THRB: variants seen among roughly 807,000 people sequenced by gnomAD.
The protein encoded by THRB is thyroid hormone receptor beta.
THRB carries 12 observed loss-of-function variants against 47.8 expected under a neutral mutation model. That is an observed-to-expected ratio of 0.25 (90% CI 0.16 to 0.41). THRB has a LOEUF of 0.41. Among genes scored for constraint, THRB ranks in the 10% least tolerant of loss-of-function variants. THRB has a pLI of 1.00. For missense variants in THRB, 348 were observed against 589.2 expected (o/e 0.59, Z 4.24); for synonymous variants, 218 against 212.2 (o/e 1.03, Z -0.24).
upstream of THRB, chr3:24,495,332 C>G: frequency 6.5e-6 from 1 of 153,912 alleles, no homozygotes; most frequent in Non-Finnish European, 1.5e-5. Flanking sequence ...GCCACCGCCC[C>G]GGGCTGCCCA....
At chr3:24,159,707 A>G (rs1477825000) in intron 5 of THRB, among the ~76,000 whole-genome samples, 2 of 151,192 alleles carry the variant, frequency 1.3e-5, no homozygotes, top group Non-Finnish European at 2.9e-5. Context: ...GTCTGGAGAC[A>G]TTTTTGGTTG....
At chr3:24,278,878 C>T (rs544419906) in intron 3 of THRB, among the ~76,000 whole-genome samples, 1 of 152,286 alleles carries the variant, frequency 6.6e-6, no homozygotes, top group African/African-American at 2.4e-5. Flanking sequence ...CAGGGTCTCA[C>T]TCTGGGTCCA....
chr3:24,186,159 A>T (rs1017692544), intron 5 of THRB, among the ~76,000 whole-genome samples: 2 of 152,138 alleles, frequency 1.3e-5, no homozygotes, highest in Non-Finnish European at 2.9e-5. Context: ...ATACCCAGGT[A>T]TTAAGAATCT....
intron 2 of THRB, among the ~76,000 whole-genome samples, chr3:24,300,293 A>G (rs1559871599): frequency 6.6e-6 from 1 of 152,176 alleles, no homozygotes; most frequent in Non-Finnish European, 1.5e-5. Context: ...TTAAACCCTC[A>G]AACATGGATT....
intron 1 of THRB, among the ~76,000 whole-genome samples, chr3:24,489,337 A>G (rs1697795804): frequency 6.6e-6 from 1 of 152,218 alleles, no homozygotes; most frequent in African/African-American, 2.4e-5. Flanking sequence ...AGATTATCAC[A>G]GATTATCTTC....
intron 1 of THRB, among the ~76,000 whole-genome samples, chr3:24,479,094 C>G (rs574031805): frequency 6.6e-5 from 10 of 152,088 alleles, no homozygotes; most frequent in Admixed American, 1.3e-4. Context: ...GTCAGGAGAT[C>G]GAGACCATCC....
chr3:24,444,555 T>C (rs1033235478), intron 1 of THRB, among the ~76,000 whole-genome samples: 14 of 152,242 alleles, frequency 9.2e-5, no homozygotes, highest in African/African-American at 3.1e-4. Context: ...ATGCAAACTT[T>C]TCCAAAATAA....
At chr3:24,380,609 A>G (rs1268866244) in intron 1 of THRB, among the ~76,000 whole-genome samples, 2 of 152,172 alleles carry the variant, frequency 1.3e-5, no homozygotes, top group Non-Finnish European at 2.9e-5. Context: ...ATATCATTCT[A>G]TTCTTTACTT....
At chr3:24,426,608 G>T (rs151131001) in intron 1 of THRB, among the ~76,000 whole-genome samples, 3 of 151,858 alleles carry the variant, frequency 2.0e-5, no homozygotes, top group Non-Finnish European at 4.4e-5. Flanking sequence ...GGTTTATGTC[G>T]TTTCCTCTCA....
intron 2 of THRB, among the ~76,000 whole-genome samples, chr3:24,319,577 G>C (rs2058343879): frequency 6.6e-6 from 1 of 152,202 alleles, no homozygotes; most frequent in South Asian, 2.1e-4. Context: ...GGCAGGCAGT[G>C]ACAGAGAGGG....
intron 4 of THRB, among the ~76,000 whole-genome samples, chr3:24,228,025 C>T (rs1398489472): frequency 2.6e-5 from 4 of 152,098 alleles, no homozygotes; most frequent in South Asian, 2.1e-4. Flanking sequence ...ATTTAAAATC[C>T]GAATTTCCAA....
rs75872521 is a variant in THRB, at chr3:24,379,014, G to T, written c.-260-41643C>A. On this transcript the variant is annotated intron_variant, in intron 1 of 10. Coordinates refer to ENST00000646209, the MANE Select transcript of THRB (RefSeq NM_001354712.2). The stretch of plus-strand genomic sequence containing the variant: ...ATCATCATCTCATTTAACCCTTATA[G>T]CAACTCAATGAGGAAGTTATTCATA... Among the ~76,000 whole-genome samples the T allele has an allele frequency of 9.1e-3, 1,381 of 152,124 alleles. 23 individuals are homozygous for T. The highest frequency in any genetic ancestry group is 0.066 in the East Asian group (341 of 5,166).
intron 3 of THRB, among the ~76,000 whole-genome samples, chr3:24,250,536 A>G (rs535893189): frequency 6.6e-6 from 1 of 152,140 alleles, no homozygotes; most frequent in Non-Finnish European, 1.5e-5. Context: ...ATCTCTACAA[A>G]AATTTTAAAA....
At chr3:24,465,445 T>C (rs1373542812) in intron 1 of THRB, among the ~76,000 whole-genome samples, 1 of 152,178 alleles carries the variant, frequency 6.6e-6, no homozygotes, top group East Asian at 1.9e-4. Flanking sequence ...CTCCGTTGCC[T>C]AGATTAGAGT....
At chr3:24,463,937 A>G (rs1348578156) in intron 1 of THRB, among the ~76,000 whole-genome samples, 1 of 152,212 alleles carries the variant, frequency 6.6e-6, no homozygotes, top group Non-Finnish European at 1.5e-5. Context: ...TTGAAAATGC[A>G]GTAAGAACAC....
chr3:24,477,102 G>GTA (rs1044814033), intron 1 of THRB, among the ~76,000 whole-genome samples: 8 of 151,024 alleles, frequency 5.3e-5, no homozygotes, highest in African/African-American at 2.0e-4. Context: ...GTGTGTGTGT[G>GTA]TGTGTGTGTG....
At chr3:24,393,167 C>T (rs1190687427) in intron 1 of THRB, among the ~76,000 whole-genome samples, 1 of 152,082 alleles carries the variant, frequency 6.6e-6, no homozygotes, top group African/African-American at 2.4e-5. Flanking sequence ...GAAGTCCTTC[C>T]CTGCCTTGCT....
At chr3:24,152,337 G>T in intron 6 of THRB, 53 bp downstream of exon 6, 1 of 925,170 alleles carries the variant, frequency 1.1e-6, no homozygotes, top group Non-Finnish European at 1.8e-6. Context: ...AAGAGGACTG[G>T]GAGGGGACTG....
At chr3:24,489,305 G>A (rs1398274086) in intron 1 of THRB, among the ~76,000 whole-genome samples, 1 of 152,010 alleles carries the variant, frequency 6.6e-6, no homozygotes, top group Non-Finnish European at 1.5e-5. Flanking sequence ...TTTCTGGTAA[G>A]CACTGACCAG....
Sources: allele counts gnomAD v4.1 joint callset (sites outside exome capture counted in the v4.1 genomes callset), GRCh38; gene constraint gnomAD v4.1.1; transcripts MANE v1.5; gene names NCBI Gene and HGNC (gene_info 2026-07-23, HGNC 2026-07-21).